The following TUSC3 variants were observed in gnomAD, a reference collection of about 807,000 sequenced individuals.
TUSC3 encodes the protein tumor suppressor candidate 3.
TUSC3 carries 45 observed loss-of-function variants against 44.8 expected under a neutral mutation model. The ratio of observed to expected loss-of-function variants is 1.00; its 90% CI spans 0.79 to 1.29. The LOEUF (loss-of-function observed/expected upper bound fraction) is 1.29. Among genes scored for constraint, TUSC3 ranks in the 50% most tolerant of loss-of-function variants. The probability of loss-of-function intolerance (pLI) is 0.00; values close to 1 mark genes in which losing one functional copy is unlikely to be tolerated. For synonymous variants in TUSC3, 212 were observed against 152.9 expected (o/e 1.39, Z -2.85); for missense variants, 519 against 437.9 (o/e 1.19, Z -1.65).
At chr8:15,631,406 T>G (rs529618235) in intron 2 of TUSC3, among the ~76,000 whole-genome samples, 1 of 152,298 alleles carries the variant, frequency 6.6e-6, no homozygotes, top group African/African-American at 2.4e-5. Flanking sequence ...ATTCTATAAT[T>G]TTTCCTTTAA....
rs148993436 is a variant in TUSC3 at position 15,654,175 on chromosome 8, A to G, written c.426+3361A>G. On this transcript the variant is annotated intron_variant, in intron 3 of 10. Transcript: ENST00000503731. ...ATTAGGTCTTAGTATGGATTTTCCT[A>G]TAGTTTTCATGTGGGGAGTGAGGAA... is the stretch of plus-strand genomic sequence containing the variant. Among the ~76,000 whole-genome samples the G allele has an allele frequency of 2.4e-3, 366 of 152,292 alleles. 3 individuals carry two copies. Among genetic ancestry groups the G allele is most frequent in the African/African-American group, 8.3e-3 (347 of 41,560 alleles).
intron 9 of TUSC3, among the ~76,000 whole-genome samples, chr8:15,750,757 A>C (rs986586021): frequency 1.3e-5 from 2 of 152,160 alleles, no homozygotes; most frequent in African/African-American, 2.4e-5. Flanking sequence ...CAGTCTTCTT[A>C]TGTAACCAGC....
At chr8:15,644,025 A>G (rs1563150683) in intron 2 of TUSC3, among the ~76,000 whole-genome samples, 1 of 152,246 alleles carries the variant, frequency 6.6e-6, no homozygotes, top group Non-Finnish European at 1.5e-5. Flanking sequence ...CATTAAAAAG[A>G]GAAGCTATAC....
chr8:15,749,013 T>C, intron 9 of TUSC3, among the ~76,000 whole-genome samples: 1 of 152,152 alleles, frequency 6.6e-6, no homozygotes, highest in East Asian at 1.9e-4. Flanking sequence ...TACCAAACTA[T>C]AGTTTCAGTA....
intron 2 of TUSC3, among the ~76,000 whole-genome samples, chr8:15,506,263 C>G (rs55649348): frequency 0.055 from 8,442 of 152,252 alleles, 392 homozygotes; most frequent in South Asian, 0.2. Flanking sequence ...CTCAGTCCCA[C>G]TCTCCCCTGA....
intron 2 of TUSC3, among the ~76,000 whole-genome samples, chr8:15,489,112 G>T (rs953067833): frequency 1.2e-4 from 18 of 152,164 alleles, no homozygotes; most frequent in African/African-American, 4.3e-4. Flanking sequence ...GTCCAACATG[G>T]TTGGGTTACA....
intron 2 of TUSC3, among the ~76,000 whole-genome samples, chr8:15,493,616 T>C (rs1191174107): frequency 6.6e-6 from 1 of 152,150 alleles, no homozygotes; most frequent in Non-Finnish European, 1.5e-5. Context: ...CATTTGGTAC[T>C]GGAACTATAC....
intron 1 of TUSC3, among the ~76,000 whole-genome samples, chr8:15,565,469 G>A (rs1563292494): frequency 6.6e-6 from 1 of 152,092 alleles, no homozygotes; most frequent in Non-Finnish European, 1.5e-5. Flanking sequence ...CCACTTTTCA[G>A]ACTCCCACAG....
intron 1 of TUSC3, among the ~76,000 whole-genome samples, chr8:15,605,655 A>G (rs1381703690): frequency 6.6e-6 from 1 of 152,104 alleles, no homozygotes; most frequent in African/African-American, 2.4e-5. Context: ...TAAAATGTAT[A>G]TACATACTAG....
intron 2 of TUSC3, among the ~76,000 whole-genome samples, chr8:15,635,830 T>A (rs914769317): frequency 6.6e-6 from 1 of 152,178 alleles, no homozygotes; most frequent in African/African-American, 2.4e-5. Flanking sequence ...ATGGTGGTGA[T>A]CTGGTAAGTG....
chr8:15,625,064 TG>T (rs1805432926), intron 2 of TUSC3, among the ~76,000 whole-genome samples: 1 of 152,198 alleles, frequency 6.6e-6, no homozygotes, highest in Non-Finnish European at 1.5e-5. Context: ...GTTTTTATCA[TG>T]AATGAGGTGC....
intron 1 of TUSC3, among the ~76,000 whole-genome samples, chr8:15,546,342 T>G (rs1801863632): frequency 6.6e-6 from 1 of 151,806 alleles, no homozygotes; most frequent in Admixed American, 6.6e-5. Flanking sequence ...CTTGCCGGTA[T>G]AATACAGCTT....
intron 2 of TUSC3, among the ~76,000 whole-genome samples, chr8:15,627,270 C>A (rs1189030921): frequency 6.6e-6 from 1 of 152,160 alleles, no homozygotes; most frequent in East Asian, 1.9e-4. Context: ...TATAGGACAG[C>A]CTGCCTGGCA....
intron 2 of TUSC3, among the ~76,000 whole-genome samples, chr8:15,636,992 A>G (rs537133884): frequency 1.1e-4 from 16 of 152,180 alleles, no homozygotes; most frequent in Non-Finnish European, 2.2e-4. Flanking sequence ...GCCAAAGTAT[A>G]TTTTAAATTT....
chr8:15,836,882 G>A, the TUSC3 span, among the ~76,000 whole-genome samples: 1 of 151,808 alleles, frequency 6.6e-6, no homozygotes, highest in Non-Finnish European at 1.5e-5. Flanking sequence ...ACTTTTTTGG[G>A]CTATATCATT....
chr8:15,621,173 A>T (rs1805228445), intron 1 of TUSC3, among the ~76,000 whole-genome samples: 1 of 152,028 alleles, frequency 6.6e-6, no homozygotes, highest in East Asian at 1.9e-4. Context: ...ATAAATATTT[A>T]TATAGTTTTT....
chr8:15,440,615 G>C (rs1800008396), intron 1 of TUSC3, among the ~76,000 whole-genome samples: 1 of 152,236 alleles, frequency 6.6e-6, no homozygotes, highest in South Asian at 2.1e-4. Context: ...TATTAGAATT[G>C]ACTTAAGCAT....
intron 2 of TUSC3, among the ~76,000 whole-genome samples, chr8:15,646,948 C>G (rs1047485865): frequency 6.6e-6 from 1 of 151,938 alleles, no homozygotes; most frequent in African/African-American, 2.4e-5. Context: ...TAAATAACAT[C>G]TTTGTGTTTT....
chr8:15,823,663 G>C, the TUSC3 span, among the ~76,000 whole-genome samples: 15 of 152,258 alleles, frequency 9.9e-5, no homozygotes, highest in African/African-American at 1.4e-4. Flanking sequence ...CATATAAAAT[G>C]TTTGTACATA....
Sources: allele counts gnomAD v4.1 joint callset (sites outside exome capture counted in the v4.1 genomes callset), GRCh38; gene constraint gnomAD v4.1.1; transcripts MANE v1.5; gene names NCBI Gene and HGNC (gene_info 2026-07-23, HGNC 2026-07-21).